Variants in SENP7 observed in about 807,000 individuals in gnomAD.
The protein encoded by SENP7 is SUMO specific peptidase 7.
SENP7 carries 64 observed loss-of-function variants against 141.2 expected under a neutral mutation model. The observed-to-expected ratio is 0.45, with a 90% CI of 0.37 to 0.56. The LOEUF is 0.56. Ranked by LOEUF, SENP7 falls within the 20% of genes least tolerant of loss-of-function variation. SENP7 has a pLI of 0.00. For synonymous variants in SENP7, 382 were observed against 426.4 expected (o/e 0.90, Z 1.28); for missense variants, 1,025 against 1,212.2 (o/e 0.85, Z 2.29).
chr3:101,362,829 C>T (rs1576093360), intron 10 of SENP7, among the ~76,000 whole-genome samples: 1 of 152,214 alleles, frequency 6.6e-6, no homozygotes, highest in South Asian at 2.1e-4. Context: ...CACTTCCACT[C>T]AAGTGACTAT....
At chr3:101,363,622 A>G (rs2059958263) in intron 10 of SENP7, among the ~76,000 whole-genome samples, 1 of 152,248 alleles carries the variant, frequency 6.6e-6, no homozygotes, top group Non-Finnish European at 1.5e-5. Context: ...TTAATTATAT[A>G]TACAACTAAA....
intron 19 of SENP7, among the ~76,000 whole-genome samples, chr3:101,331,326 T>A (rs1309494451): frequency 1.3e-5 from 2 of 151,248 alleles, no homozygotes; most frequent in Non-Finnish European, 2.9e-5. Context: ...CAAAAAAAAA[T>A]TTAAAAATAA....
At position 101,336,225 on chromosome 3, in the gene SENP7, G is replaced by A. The variant is rs186945328; in HGVS notation, c.2480+1284C>T. Among the ~76,000 whole-genome samples, 25 of 152,206 alleles carry A rather than the reference G, an allele frequency of 1.6e-4. No homozygotes were observed. In the East Asian group the frequency reaches 3.7e-3, roughly 22 times the overall value. ...AGAATCAAATAACTTTATGTTCACCGTCTTAGTTCCTAGCAGGCACTCAAT... is the reference window on the plus strand; with the variant it reads ...AGAATCAAATAACTTTATGTTCACCATCTTAGTTCCTAGCAGGCACTCAAT... On this transcript the variant is annotated intron_variant, in intron 17 of 23. Coordinates refer to ENST00000394095, the MANE Select transcript of SENP7 (RefSeq NM_020654.5).
At chr3:101,423,596 A>C (rs2061854141) in intron 4 of SENP7, among the ~76,000 whole-genome samples, 1 of 152,202 alleles carries the variant, frequency 6.6e-6, no homozygotes, top group Non-Finnish European at 1.5e-5. Context: ...ACAGTGGCTG[A>C]CTAGACACAG....
intron 4 of SENP7, among the ~76,000 whole-genome samples, chr3:101,438,016 T>C (rs1271681649): frequency 4.0e-5 from 6 of 151,312 alleles, no homozygotes; most frequent in Admixed American, 3.9e-4. Flanking sequence ...TAAAATGAGG[T>C]ACGGCCATTG....
chr3:101,325,932 G>T lies in SENP7; in HGVS notation c.*11C>A, dbSNP rs374605070. 213 of 1,603,354 alleles carry T rather than the reference G, an allele frequency of 1.3e-4. No homozygotes were observed. In the African/African-American group the frequency reaches 2.3e-3, roughly 17 times the overall value. On this transcript the variant is annotated 3_prime_UTR_variant, in exon 24 of 24. Transcript: ENST00000394095. ...CTTAGAGAACATCTGTGTCATGTTT[G>T]TACAGATTAACTAGCTACTGCTGCC...
chr3:101,426,082 A>G (rs1364308205), intron 4 of SENP7, among the ~76,000 whole-genome samples: 1 of 152,220 alleles, frequency 6.6e-6, no homozygotes, highest in African/African-American at 2.4e-5. Context: ...CATGGAAAAC[A>G]TATTTCTGAA....
intron 11 of SENP7, among the ~76,000 whole-genome samples, chr3:101,352,427 T>C (rs1394987892): frequency 6.6e-6 from 1 of 152,054 alleles, no homozygotes; most frequent in Non-Finnish European, 1.5e-5. Flanking sequence ...TCATCTTTCT[T>C]TGTTTCATGT....
rs1394564780 is a variant in SENP7, at chr3:101,361,815, G to T, written c.1523C>A (p.Ser508Tyr). ...CATCTCATTACTAGGCATAATACTG[G>T]AAATGTTCTCCATGACAGGATTATA... ...CPYNPVMENISSIMPSNEMDL... is the reference protein window; with the variant it reads ...CPYNPVMENIYSIMPSNEMDL... The change falls in exon 11 of 24, where the codon TCC becomes TAC. Residue 508 changes from serine (S) to tyrosine (Y), a missense_variant. This residue lies in a region of SENP7 where 228 missense variants were observed against 228.5 expected (regional missense o/e 1.00). Coordinates refer to ENST00000394095, the MANE Select transcript of SENP7 (RefSeq NM_020654.5). 11 of 1,607,294 alleles carry T rather than the reference G, an allele frequency of 6.8e-6. No individual in the cohort carries two copies. The highest frequency in any genetic ancestry group is 1.7e-5 in the Admixed American group (1 of 58,852).
chr3:101,466,687 T>C (rs964265379), intron 3 of SENP7, among the ~76,000 whole-genome samples: 36 of 152,256 alleles, frequency 2.4e-4, no homozygotes, highest in African/African-American at 8.2e-4. Context: ...TCACATGTTA[T>C]CACTACAAAA....
At chr3:101,446,142 C>T (rs2062884634) in intron 4 of SENP7, among the ~76,000 whole-genome samples, 1 of 152,168 alleles carries the variant, frequency 6.6e-6, no homozygotes, top group African/African-American at 2.4e-5. Flanking sequence ...CCTCTCCCTT[C>T]GTTCTCTCTT....
At chr3:101,362,937 T>G (rs1008588422) in intron 10 of SENP7, among the ~76,000 whole-genome samples, 2 of 152,178 alleles carry the variant, frequency 1.3e-5, no homozygotes, top group Non-Finnish European at 2.9e-5. Context: ...TCAGATGACT[T>G]TTTCAACTTT....
chr3:101,343,448 C>T (rs2059379565), intron 14 of SENP7, among the ~76,000 whole-genome samples: 1 of 151,834 alleles, frequency 6.6e-6, no homozygotes, highest in Non-Finnish European at 1.5e-5. Context: ...CATTCATTTA[C>T]TCAGTTATCT....
chr3:101,329,007 T>C lies in SENP7; in HGVS notation c.2752-318A>G, dbSNP rs531199199. Among the ~76,000 whole-genome samples the C allele has an allele frequency of 3.3e-5, 5 of 152,316 alleles. No individual in the cohort carries two copies. In the South Asian group the frequency reaches 1.0e-3, roughly 32 times the overall value. ...CAAGTTAATTTAACGTGTCTTTACA[T>C]ACATTCTCCAATTTATGATGTCAGT... On this transcript the variant is annotated intron_variant, in intron 20 of 23. Coordinates refer to ENST00000394095, the MANE Select transcript of SENP7 (RefSeq NM_020654.5).
chr3:101,422,358 G>A (rs1231035853), intron 4 of SENP7, among the ~76,000 whole-genome samples: 1 of 152,166 alleles, frequency 6.6e-6, no homozygotes, highest in Non-Finnish European at 1.5e-5. Flanking sequence ...TGCAGGGGTT[G>A]AGAACTTCTG....
intron 3 of SENP7, among the ~76,000 whole-genome samples, chr3:101,461,860 T>C (rs1350855473): frequency 6.6e-6 from 1 of 152,190 alleles, no homozygotes; most frequent in East Asian, 1.9e-4. Context: ...TACTATAACA[T>C]GGATGAACTT....
chr3:101,385,061 G>A (rs981174680), intron 6 of SENP7, among the ~76,000 whole-genome samples: 2 of 152,152 alleles, frequency 1.3e-5, no homozygotes, highest in African/African-American at 4.8e-5. Flanking sequence ...ATCAAAAAAA[G>A]TTTAATCGTA....
intron 1 of SENP7, among the ~76,000 whole-genome samples, chr3:101,506,526 C>T (rs1181510276): frequency 2.6e-5 from 4 of 152,144 alleles, no homozygotes; most frequent in African/African-American, 7.2e-5. Context: ...AGATGGTACT[C>T]TAAACCAGTA....
chr3:101,449,474 G>T (rs1015320308), intron 4 of SENP7, among the ~76,000 whole-genome samples: 1 of 152,198 alleles, frequency 6.6e-6, no homozygotes, highest in Non-Finnish European at 1.5e-5. Context: ...AGAGAGGAAG[G>T]TCGGGTTACC....
Sources: gnomAD v4.1 joint callset for allele counts (sites outside exome capture counted in the v4.1 genomes callset) on GRCh38, gnomAD v4.1.1 for gene constraint, gnomAD v4.1.1 regional missense constraint, MANE v1.5 for transcripts, NCBI Gene and HGNC (gene_info 2026-07-23, HGNC 2026-07-21) for gene names.